Variants in MYO1B observed in about 807,000 individuals in gnomAD.
MYO1B encodes the protein myosin IB.
A neutral mutation model predicts 159.7 loss-of-function variants in MYO1B; 72 were observed. That is an observed-to-expected ratio of 0.45 (90% CI 0.37 to 0.55). The LOEUF is 0.55. MYO1B is among the 20% of genes least tolerant of loss of function. The pLI, the probability that MYO1B is intolerant of heterozygous loss-of-function variation, is 0.00. For missense variants in MYO1B, 1,062 were observed against 1,364.8 expected (o/e 0.78, Z 3.50); for synonymous variants, 468 against 473.8 (o/e 0.99, Z 0.16).
chr2:191,294,123 C>T (rs542077922), intron 2 of MYO1B, among the ~76,000 whole-genome samples: 1 of 152,248 alleles, frequency 6.6e-6, no homozygotes, highest in East Asian at 1.9e-4. Flanking sequence ...ACACATAATT[C>T]AGTATGTGTA....
At chr2:191,413,484 C>G (rs988191078) in intron 27 of MYO1B, among the ~76,000 whole-genome samples, 49 of 152,184 alleles carry the variant, frequency 3.2e-4, no homozygotes, top group African/African-American at 1.1e-3. Flanking sequence ...TACTTAGAAC[C>G]ACAGTTACAT....
intron 2 of MYO1B, among the ~76,000 whole-genome samples, chr2:191,281,867 T>C (rs1688083100): frequency 1.3e-5 from 2 of 152,172 alleles, no homozygotes; most frequent in African/African-American, 4.8e-5. Flanking sequence ...GGGGCCTGAG[T>C]TAGTCTAATT....
Position 191,387,297 on chromosome 2 carries a change from G to A in MYO1B, c.1628G>A (p.Trp543Ter). The A allele has an allele frequency of 6.2e-7, 1 of 1,614,196 alleles. No homozygotes were observed. The highest frequency in any genetic ancestry group is 8.5e-7 in the Non-Finnish European group (1 of 1,180,044). Residue 543 changes from tryptophan to a stop codon, truncating the protein, a stop_gained, in exon 17 of 31, where the codon TGG becomes TAG. Transcript: ENST00000392318. LOFTEE classifies it high-confidence loss of function. ...TATCGAGACCTGTCCCAAGCCATGTGGAAGGCCAGCCATGCCCTCATCAAG... is the reference window on the plus strand; with the variant it reads ...TATCGAGACCTGTCCCAAGCCATGTAGAAGGCCAGCCATGCCCTCATCAAG... Reference protein sequence around the residue: ...LLYRDLSQAMWKASHALIKSL... With the variant: ...LLYRDLSQAM
At chr2:191,268,911 A>G (rs1165617366) in intron 1 of MYO1B, among the ~76,000 whole-genome samples, 2 of 152,158 alleles carry the variant, frequency 1.3e-5, no homozygotes, top group African/African-American at 2.4e-5. Flanking sequence ...GTGTGTGTGT[A>G]AGTGGGGACT....
At chr2:191,395,079 G>A (rs1461231512) in intron 20 of MYO1B, among the ~76,000 whole-genome samples, 2 of 152,048 alleles carry the variant, frequency 1.3e-5, no homozygotes, top group African/African-American at 4.8e-5. Context: ...TCCGTATTTT[G>A]TAATATTTCA....
chr2:191,319,863 G>T (rs1690587931), intron 3 of MYO1B, among the ~76,000 whole-genome samples: 1 of 152,072 alleles, frequency 6.6e-6, no homozygotes, highest in African/African-American at 2.4e-5. Context: ...GCTACAAGGG[G>T]GACAAGATTA....
intron 3 of MYO1B, among the ~76,000 whole-genome samples, chr2:191,303,834 G>T (rs185225804): frequency 6.6e-6 from 1 of 152,170 alleles, no homozygotes; most frequent in African/African-American, 2.4e-5. Flanking sequence ...TCAGATCTAC[G>T]CAAGTAGCTT....
In MYO1B at chr2:191,296,153, T is replaced by A. The variant is rs1168109111; in HGVS notation, c.178T>A (p.Ser60Thr). The change falls in exon 3 of 31, where the codon TCT becomes ACT. Residue 60 changes from serine (S) to threonine (T), a missense_variant. Ser to Thr is a moderately conservative substitution (Grantham distance 58). This residue lies in a region of MYO1B where 415 missense variants were observed against 544.0 expected (regional missense o/e 0.76). Coordinates refer to ENST00000392318, the MANE Select transcript of MYO1B (RefSeq NM_001130158.3). ...GGTTATATCTGTTAACCCATACCGGTCTTTACCCATTTATTCACCAGAGAA... is the reference window on the plus strand; with the variant it reads ...GGTTATATCTGTTAACCCATACCGGACTTTACCCATTTATTCACCAGAGAA... ...SVVISVNPYRSLPIYSPEKVE... is the reference protein window; with the variant it reads ...SVVISVNPYRTLPIYSPEKVE... 3 of 1,609,484 alleles carry A rather than the reference T, an allele frequency of 1.9e-6. No homozygotes were observed. Among genetic ancestry groups the A allele is most frequent in the Non-Finnish European group, 2.5e-6 (3 of 1,177,060 alleles).
chr2:191,248,877 A>C (rs1272093293), intron 1 of MYO1B, among the ~76,000 whole-genome samples: 2 of 152,182 alleles, frequency 1.3e-5, no homozygotes, highest in Non-Finnish European at 1.5e-5. Context: ...TTTCACGTCT[A>C]TTATTGTAGT....
At chr2:191,255,988 T>C (rs1686420920) in intron 1 of MYO1B, among the ~76,000 whole-genome samples, 1 of 152,168 alleles carries the variant, frequency 6.6e-6, no homozygotes, top group African/African-American at 2.4e-5. Flanking sequence ...TTTTCCAGTG[T>C]CTCAGCCTTC....
chr2:191,381,905 T>C (rs1454479000), intron 14 of MYO1B, among the ~76,000 whole-genome samples: 1 of 152,198 alleles, frequency 6.6e-6, no homozygotes, highest in Non-Finnish European at 1.5e-5. Flanking sequence ...GATTTGAAAA[T>C]ATTTTGAGAC....
At chr2:191,422,365 T>C (rs1177905658) in intron 30 of MYO1B, among the ~76,000 whole-genome samples, 1 of 152,134 alleles carries the variant, frequency 6.6e-6, no homozygotes. Context: ...TCATATACAG[T>C]TGGGGGTTCC....
intron 30 of MYO1B, among the ~76,000 whole-genome samples, chr2:191,421,808 T>C (rs1179792290): frequency 6.6e-6 from 1 of 152,208 alleles, no homozygotes; most frequent in Non-Finnish European, 1.5e-5. Flanking sequence ...AATGTGAAAG[T>C]GTTTGATTTT....
intron 18 of MYO1B, among the ~76,000 whole-genome samples, chr2:191,391,293 C>T (rs1047583173): frequency 6.6e-6 from 1 of 152,210 alleles, no homozygotes; most frequent in Non-Finnish European, 1.5e-5. Context: ...TTTAACTGTA[C>T]TGGTATTGCC....
chr2:191,258,591 T>G (rs1437807755), intron 1 of MYO1B, among the ~76,000 whole-genome samples: 1 of 152,248 alleles, frequency 6.6e-6, no homozygotes, highest in Non-Finnish European at 1.5e-5. Context: ...TGTGGTCTGT[T>G]GTTGACAGAA....
chr2:191,414,537 C>G lies in MYO1B; in HGVS notation c.3027C>G (p.Leu1009=). The change falls in exon 29 of 31, where the codon CTC becomes CTG. Residue 1009 remains leucine, a synonymous_variant. Transcript: ENST00000392318. ...ANGKSTSRIF[L]LTNNNLLLAD... ...TTTAGAGTACATCTCGGATTTTCCT[C>G]TTAACAAACAATAATCTCCTTCTTG... is the stretch of plus-strand genomic sequence containing the variant. The G allele has an allele frequency of 6.2e-7, 1 of 1,609,576 alleles. No individual in the cohort carries two copies. The highest frequency in any genetic ancestry group is 8.5e-7 in the Non-Finnish European group (1 of 1,178,602).
At chr2:191,292,961 G>A (rs959176871) in intron 2 of MYO1B, among the ~76,000 whole-genome samples, 1 of 152,162 alleles carries the variant, frequency 6.6e-6, no homozygotes, top group Non-Finnish European at 1.5e-5. Flanking sequence ...TGTCCTTACT[G>A]GGGCTGGATG....
chr2:191,342,281 C>T (rs1225776900), intron 5 of MYO1B, among the ~76,000 whole-genome samples: 1 of 152,144 alleles, frequency 6.6e-6, no homozygotes, highest in Non-Finnish European at 1.5e-5. Flanking sequence ...ATAAGACCAC[C>T]AGTTCCATCT....
chr2:191,392,199 A>T lies in MYO1B; in HGVS notation c.2074A>T (p.Thr692Ser). ...AAAGATATTCATCCGAAACCCAAGA[A>T]CAGTATGTAACGAAAACCTTTACAC... ...RSKIFIRNPRTLFKLEDLRKQ... is the reference protein window; with the variant it reads ...RSKIFIRNPRSLFKLEDLRKQ... Residue 692 changes from threonine to serine, a missense_variant and splice_region_variant, in exon 19 of 31, where the codon ACA (threonine) becomes TCA (serine). By Grantham distance (58) the Thr-to-Ser change is moderately conservative. Around this residue, in one of 5 missense-constraint regions of MYO1B, gnomAD observed 609 missense variants for 744.4 expected, o/e 0.82. Coordinates refer to ENST00000392318, the MANE Select transcript of MYO1B (RefSeq NM_001130158.3). 6.3e-7 allele frequency: 1 copy of T among 1,597,178 alleles called. No homozygotes were observed. Among genetic ancestry groups the T allele is most frequent in the Non-Finnish European group, 8.6e-7 (1 of 1,167,820 alleles).
Sources: allele counts gnomAD v4.1 joint callset (sites outside exome capture counted in the v4.1 genomes callset), GRCh38; gene constraint gnomAD v4.1.1; regional missense constraint gnomAD v4.1.1; transcripts MANE v1.5; gene names NCBI Gene and HGNC (gene_info 2026-07-23, HGNC 2026-07-21).